Variants in WNT2 observed in about 807,000 individuals in gnomAD.
WNT2 encodes the protein protein Wnt-2.
WNT2 carries 12 observed loss-of-function variants against 36.9 expected under a neutral mutation model. That is an observed-to-expected ratio of 0.33 (90% CI 0.21 to 0.53). WNT2 has a LOEUF of 0.53. Among genes scored for constraint, WNT2 ranks in the 20% least tolerant of loss-of-function variants. The probability of loss-of-function intolerance (pLI) is 0.95; values close to 1 mark genes in which losing one functional copy is unlikely to be tolerated. For synonymous variants in WNT2, 163 were observed against 174.6 expected (o/e 0.93, Z 0.52); for missense variants, 379 against 473.1 (o/e 0.80, Z 1.84).
At chr7:117,288,948 TAGTAGTGA>T (rs1476732843) in intron 4 of WNT2, among the ~76,000 whole-genome samples, 1 of 151,770 alleles carries the variant, frequency 6.6e-6, no homozygotes, top group Non-Finnish European at 1.5e-5. Context: ...AGGCCACTGA[TAGTAGTGA>T]GTGAAAAATG....
intron 3 of WNT2, among the ~76,000 whole-genome samples, chr7:117,302,483 G>C (rs942726399): frequency 1.3e-5 from 2 of 152,158 alleles, no homozygotes; most frequent in African/African-American, 4.8e-5. Flanking sequence ...GGGGAGTATA[G>C]CGATCCATCA....
In WNT2 at chr7:117,315,226, C is replaced by T. The variant is rs757215951; in HGVS notation, c.433G>A (p.Ala145Thr). ...CSCDPKKMGSAKDSKGIFDWG... is the reference protein window; with the variant it reads ...CSCDPKKMGSTKDSKGIFDWG... ...TCAAAAATGCCTTTGCTGTCCTTGGCGCTTCCCATCTTCTTTGGATCACAG... is the reference window on the plus strand; with the variant it reads ...TCAAAAATGCCTTTGCTGTCCTTGGTGCTTCCCATCTTCTTTGGATCACAG... Residue 145 changes from alanine to threonine, a missense_variant, in exon 3 of 5, where the codon GCC (alanine) becomes ACC (threonine). Coordinates refer to ENST00000265441, the MANE Select transcript of WNT2 (RefSeq NM_003391.3). 1.5e-5 allele frequency: 24 copies of T among 1,614,068 alleles called. No individual in the cohort carries two copies. Among genetic ancestry groups the T allele is most frequent in the Middle Eastern group, 1.6e-4 (1 of 6,084 alleles).
chr7:117,306,512 A>G (rs539714894), intron 3 of WNT2, among the ~76,000 whole-genome samples: 15 of 152,360 alleles, frequency 9.8e-5, no homozygotes, highest in African/African-American at 3.6e-4. Context: ...GCCATAGCCC[A>G]TGACACAGTC....
At chr7:117,290,307 T>C (rs1408288676) in intron 4 of WNT2, among the ~76,000 whole-genome samples, 1 of 152,128 alleles carries the variant, frequency 6.6e-6, no homozygotes, top group Non-Finnish European at 1.5e-5. Flanking sequence ...GACTAGTTAT[T>C]GGAGCAGGAG....
intron 4 of WNT2, among the ~76,000 whole-genome samples, chr7:117,280,081 G>T (rs62469408): frequency 6.6e-6 from 1 of 152,064 alleles, no homozygotes; most frequent in Non-Finnish European, 1.5e-5. Context: ...GGCAGCGTTT[G>T]GTCAGAATGA....
chr7:117,277,398 A>T lies in WNT2; in HGVS notation c.*757T>A, dbSNP rs1794399601. ...GGATTCTAAGTGAGAAGGAACTCTC[A>T]TTCCCTAAAGATTTTTTATATCAAG... On this transcript the variant is annotated 3_prime_UTR_variant, in exon 5 of 5. Transcript: ENST00000265441. 6.6e-6 allele frequency: 1 copy of T among 152,236 alleles called. No individual in the cohort carries two copies. The highest frequency in any genetic ancestry group is 6.5e-5 in the Admixed American group (1 of 15,288). The allele number at this position is 152,236 out of a possible 1,614,324, so 9.4% of individuals were successfully genotyped here. A position where few individuals can be genotyped will look rare whatever the true frequency, so the allele number is the denominator to read the frequency against.
intron 4 of WNT2, among the ~76,000 whole-genome samples, chr7:117,287,902 C>A (rs182021516): frequency 1.3e-5 from 2 of 152,070 alleles, no homozygotes; most frequent in African/African-American, 2.4e-5. Context: ...GCAGGAGAAT[C>A]GTTTGAACCC....
At position 117,277,944 on chromosome 7, in the gene WNT2, C is replaced by T. The variant is rs1794408773; in HGVS notation, c.*211G>A. On this transcript the variant is annotated 3_prime_UTR_variant, in exon 5 of 5. Transcript: ENST00000265441. ...GCCAGGAGGGGAGATGACTGCAGAACACCAGGAGATGGATAGAATAGGGTA... is the reference window on the plus strand; with the variant it reads ...GCCAGGAGGGGAGATGACTGCAGAATACCAGGAGATGGATAGAATAGGGTA... The T allele has an allele frequency of 6.8e-6, 4 of 588,694 alleles. No individual in the cohort carries two copies. The highest frequency in any genetic ancestry group is 6.1e-5 in the Admixed American group (2 of 32,846). 36.5% of individuals were successfully genotyped at this position (588,694 alleles called of 1,614,324 possible). A position where few individuals can be genotyped will look rare whatever the true frequency, so the allele number is the denominator to read the frequency against.
chr7:117,298,661 G>A (rs113119153), intron 3 of WNT2, among the ~76,000 whole-genome samples: 1 of 152,186 alleles, frequency 6.6e-6, no homozygotes, highest in Non-Finnish European at 1.5e-5. Context: ...AGAGGGGACA[G>A]GTGGGCCTGA....
At chr7:117,298,024 A>G in intron 3 of WNT2, 148 bp from the exon 4 acceptor site, 1 of 1,188,652 alleles carries the variant, frequency 8.4e-7, no homozygotes, top group Non-Finnish European at 1.1e-6. Context: ...ATTGCTTGTC[A>G]CTTGTTAGCC....
chr7:117,288,017 G>A (rs1794617872), intron 4 of WNT2, among the ~76,000 whole-genome samples: 1 of 152,034 alleles, frequency 6.6e-6, no homozygotes, highest in Non-Finnish European at 1.5e-5. Flanking sequence ...ATTAAGATCA[G>A]CTTTCCTTTT....
intron 4 of WNT2, among the ~76,000 whole-genome samples, chr7:117,286,253 T>C (rs1039180013): frequency 6.6e-6 from 1 of 152,212 alleles, no homozygotes; most frequent in Non-Finnish European, 1.5e-5. Flanking sequence ...ATAAAATTAA[T>C]AATGGAGTCA....
Position 117,320,690 on chromosome 7 carries a change from G to A in WNT2, c.187C>T (p.Arg63Cys), listed in dbSNP as rs376068978. The A allele has an allele frequency of 1.7e-5, 28 of 1,613,964 alleles. No individual in the cohort carries two copies. In the East Asian group the frequency reaches 2.9e-4, roughly 17 times the overall value. Residue 63 changes from arginine (R) to cysteine (C), a missense_variant, in exon 2 of 5, where the codon CGT becomes TGT. Coordinates refer to ENST00000265441, the MANE Select transcript of WNT2 (RefSeq NM_003391.3). Reference protein sequence around the residue: ...QLCHRHPDVMRAISQGVAEWT... With the variant: ...QLCHRHPDVMCAISQGVAEWT... ...TCGGCCACGCCCTGGCTAATGGCAC[G>A]CATCACATCTGGATGTCGGTGACAC...
Position 117,322,809 on chromosome 7 carries a change from T to G in WNT2, c.83+98A>C. On this transcript the variant is annotated intron_variant, in intron 1 of 4. Coordinates refer to ENST00000265441, the MANE Select transcript of WNT2 (RefSeq NM_003391.3). This position sits in a 1 kb window ranked among gnomAD's most constrained non-coding sequence, Gnocchi z 5.4. ...GGTTCGGGCCAGAATCCGAGACTGC[T>G]GCGGCCGCGGGGGAACGCAGCCAGG... 1 of 1,277,362 alleles carries G rather than the reference T, an allele frequency of 7.8e-7. No individual in the cohort carries two copies. Among genetic ancestry groups the G allele is most frequent in the Non-Finnish European group, 1.1e-6 (1 of 889,060 alleles). The allele number at this position is 1,277,362 out of a possible 1,614,324, so 79.1% of individuals were successfully genotyped here. A position where few individuals can be genotyped will look rare whatever the true frequency, so the allele number is the denominator to read the frequency against.
chr7:117,278,460 G>A, intron 4 of WNT2, 76 bp from the exon 5 acceptor site: 1 of 1,409,042 alleles, frequency 7.1e-7, no homozygotes, highest in East Asian at 2.5e-5. Flanking sequence ...GGAGTCACGA[G>A]GTCCATCCTC....
In WNT2 at chr7:117,295,154, T is replaced by C. The variant is rs200362880; in HGVS notation, c.853+2458A>G. 3.6e-5 allele frequency among the ~76,000 whole-genome samples: 4 copies of C among 111,536 alleles called. No homozygotes were observed. In the East Asian group the frequency reaches 1.8e-3, roughly 51 times the overall value. The allele number at this position is 111,536 out of a possible 152,430, so 73.2% of individuals were successfully genotyped here. On this transcript the variant is annotated intron_variant, in intron 4 of 4. Coordinates refer to ENST00000265441, the MANE Select transcript of WNT2 (RefSeq NM_003391.3). Reference sequence around the variant, plus strand: ...CGAGATGAGATGAGACGAGACAAGATGAGATGAGACGAGACAGCCAGGCTC... The same window carrying C: ...CGAGATGAGATGAGACGAGACAAGACGAGATGAGACGAGACAGCCAGGCTC...
intron 3 of WNT2, among the ~76,000 whole-genome samples, chr7:117,299,252 A>C (rs1020354187): frequency 1.3e-5 from 2 of 152,278 alleles, no homozygotes; most frequent in Admixed American, 1.3e-4. Context: ...CAACCCTGGG[A>C]GTGCCATCTG....
At chr7:117,287,317 C>T (rs997337339) in intron 4 of WNT2, among the ~76,000 whole-genome samples, 1 of 152,158 alleles carries the variant, frequency 6.6e-6, no homozygotes, top group African/African-American at 2.4e-5. Flanking sequence ...TCTACTCCAG[C>T]CTGGGCGACA....
intron 3 of WNT2, among the ~76,000 whole-genome samples, chr7:117,304,980 C>T (rs1040366675): frequency 2.0e-5 from 3 of 152,072 alleles, no homozygotes; most frequent in African/African-American, 7.2e-5. Flanking sequence ...TGCCTGGGTT[C>T]TTTCTCTTTG....
Sources: gnomAD v4.1 joint callset for allele counts (sites outside exome capture counted in the v4.1 genomes callset) on GRCh38, gnomAD v4.1.1 for gene constraint, Gnocchi (gnomAD v3.1) non-coding constraint, MANE v1.5 for transcripts, NCBI Gene and HGNC (gene_info 2026-07-23, HGNC 2026-07-21) for gene names.